The following ITPRID1 variants were observed in gnomAD, a reference collection of about 807,000 sequenced individuals.
ITPRID1 encodes the protein protein ITPRID1.
ITPRID1 carries 96 observed loss-of-function variants against 95.4 expected under a neutral mutation model. The observed-to-expected ratio is 1.01, with a 90% CI of 0.85 to 1.19. The LOEUF is 1.19. Among genes scored for constraint, ITPRID1 ranks in the 50% most tolerant of loss-of-function variants. ITPRID1 has a pLI of 0.00. For missense variants in ITPRID1, 1,339 were observed against 1,252.9 expected, an observed-to-expected ratio of 1.07 and a Z score of -1.04; for synonymous variants, 510 against 453.6, an observed-to-expected ratio of 1.12 and a Z score of -1.58.
chr7:31,641,625 C>T lies in ITPRID1; in HGVS notation c.1229-551C>T, dbSNP rs115985529. Among the ~76,000 whole-genome samples the T allele has an allele frequency of 4.8e-3, 726 of 152,238 alleles. 7 individuals carry two copies. The highest frequency in any genetic ancestry group is 0.017 in the African/African-American group (705 of 41,522). ...CTCCTGTTTACAAAGTCATAACCTG[C>T]CCACACGTGACTTTGCCCTTTCTCT... On this transcript the variant is annotated intron_variant, in intron 10 of 14. Coordinates refer to ENST00000615280, the MANE Select transcript of ITPRID1 (RefSeq NM_001257967.3).
rs141438918 is a variant in ITPRID1, at chr7:31,572,148, A to C, written c.355A>C (p.Ser119Arg). The change falls in exon 7 of 15, where the codon AGT (serine) becomes CGT (arginine). Residue 119 changes from serine to arginine, a missense_variant. Ser to Arg is a moderately radical substitution (Grantham distance 110). Transcript: ENST00000615280. ...SETPILSRGT[S>R]FNSCYSTASV... is the part of the protein sequence containing the mutation. ...AACTCCCATCCTATCCAGAGGGACC[A>C]GTTTCAACTCTTGCTATTCTACTGC... 5.0e-5 allele frequency: 80 copies of C among 1,611,862 alleles called. No individual in the cohort carries two copies. Among genetic ancestry groups the C allele is most frequent in the Non-Finnish European group, 6.3e-5 (74 of 1,178,566 alleles).
chr7:31,519,053 T>C (rs1233786578), intron 1 of ITPRID1, among the ~76,000 whole-genome samples: 1 of 152,146 alleles, frequency 6.6e-6, no homozygotes, highest in Non-Finnish European at 1.5e-5. Flanking sequence ...AAATTTCTCA[T>C]TGTACATATG....
At chr7:31,597,092 A>G (rs1037969941) in intron 10 of ITPRID1, among the ~76,000 whole-genome samples, 2 of 152,052 alleles carry the variant, frequency 1.3e-5, no homozygotes, top group African/African-American at 4.8e-5. Context: ...ATTTAAAAAC[A>G]AAACAAAAGA....
At chr7:31,602,666 G>C (rs1026070651) in intron 10 of ITPRID1, among the ~76,000 whole-genome samples, 2 of 152,126 alleles carry the variant, frequency 1.3e-5, no homozygotes, top group African/African-American at 4.8e-5. Context: ...CCATCGGGGT[G>C]AGTGGAAGGG....
chr7:31,565,483 C>G (rs909965331), intron 5 of ITPRID1, among the ~76,000 whole-genome samples: 9 of 152,134 alleles, frequency 5.9e-5, no homozygotes, highest in African/African-American at 2.2e-4. Flanking sequence ...CACCTGTAAA[C>G]CCAGCACTTT....
intron 1 of ITPRID1, 78 bp from the exon 2 acceptor site, chr7:31,549,348 C>T (rs980625747): frequency 9.3e-7 from 1 of 1,072,186 alleles, no homozygotes; most frequent in Non-Finnish European, 1.2e-6. Context: ...CACAGGCTAC[C>T]CACAAACTAA....
chr7:31,522,606 G>GT (rs1783300927), intron 1 of ITPRID1, among the ~76,000 whole-genome samples: 2 of 152,286 alleles, frequency 1.3e-5, no homozygotes, highest in South Asian at 4.1e-4. Flanking sequence ...TTTTTACCCA[G>GT]TATCAGTCTG....
chr7:31,615,600 T>A (rs1562610396), intron 10 of ITPRID1, among the ~76,000 whole-genome samples: 1 of 152,154 alleles, frequency 6.6e-6, no homozygotes, highest in Non-Finnish European at 1.5e-5. Context: ...TTAAGTAATT[T>A]TTTAAAATGG....
intron 10 of ITPRID1, among the ~76,000 whole-genome samples, chr7:31,625,867 A>T (rs1417493475): frequency 2.0e-5 from 3 of 152,184 alleles, no homozygotes; most frequent in African/African-American, 7.2e-5. Flanking sequence ...AAATGCTTAA[A>T]ATAAAGTGAT....
chr7:31,588,225 G>A (rs1356012223), intron 10 of ITPRID1, among the ~76,000 whole-genome samples: 1 of 152,102 alleles, frequency 6.6e-6, no homozygotes, highest in Non-Finnish European at 1.5e-5. Flanking sequence ...AGAGTGGAGG[G>A]AGTTTCAACA....
Position 31,614,089 on chromosome 7 carries a change from G to A in ITPRID1, c.1229-28087G>A, listed in dbSNP as rs958063754. ...TTGAATGCAGGTCAGGTATATCAAAGTTTAAGAACTCCTTCCCTCTACCAC... is the reference window on the plus strand; with the variant it reads ...TTGAATGCAGGTCAGGTATATCAAAATTTAAGAACTCCTTCCCTCTACCAC... On this transcript the variant is annotated intron_variant, in intron 10 of 14. Coordinates refer to ENST00000615280, the MANE Select transcript of ITPRID1 (RefSeq NM_001257967.3). 5.9e-5 allele frequency among the ~76,000 whole-genome samples: 9 copies of A among 152,156 alleles called. No homozygotes were observed. In the East Asian group the frequency reaches 1.7e-3, roughly 29 times the overall value.
At chr7:31,657,092 TGATA>T (rs1791340028), downstream of ITPRID1, among the ~76,000 whole-genome samples, 1 of 5,072 alleles carries the variant, frequency 2.0e-4, no homozygotes, top group Non-Finnish European at 4.2e-4. Flanking sequence ...ATTTTATATA[TGATA>T]TATATAAAAT....
chr7:31,631,395 G>A (rs1279294874), intron 10 of ITPRID1, among the ~76,000 whole-genome samples: 1 of 152,182 alleles, frequency 6.6e-6, no homozygotes, highest in Admixed American at 6.5e-5. Flanking sequence ...ACAAAACACA[G>A]ACATATAAAT....
At chr7:31,528,284 A>G (rs529367659) in intron 1 of ITPRID1, among the ~76,000 whole-genome samples, 14 of 152,354 alleles carry the variant, frequency 9.2e-5, no homozygotes, top group African/African-American at 2.6e-4. Flanking sequence ...ATGAAATTCT[A>G]TGCCCAGTTT....
chr7:31,603,037 G>C (rs1037382267), intron 10 of ITPRID1, among the ~76,000 whole-genome samples: 4 of 152,014 alleles, frequency 2.6e-5, no homozygotes, highest in South Asian at 2.1e-4. Flanking sequence ...CCATGTCTTG[G>C]GGGTAGCCAC....
intron 10 of ITPRID1, among the ~76,000 whole-genome samples, chr7:31,598,798 C>A (rs117204652): frequency 2.6e-5 from 4 of 151,910 alleles, no homozygotes; most frequent in African/African-American, 9.7e-5. Flanking sequence ...GAAAAACTGA[C>A]GAATAAACAA....
At chr7:31,516,062 T>A (rs1213213805) in intron 1 of ITPRID1, among the ~76,000 whole-genome samples, 2 of 152,140 alleles carry the variant, frequency 1.3e-5, no homozygotes, top group African/African-American at 4.8e-5. Context: ...ATTAACCACA[T>A]TAATGGTTAA....
At chr7:31,575,463 A>C (rs568431551) in intron 8 of ITPRID1, among the ~76,000 whole-genome samples, 3 of 152,180 alleles carry the variant, frequency 2.0e-5, no homozygotes, top group Non-Finnish European at 4.4e-5. Context: ...ATTACTAAGC[A>C]TGTTCTTGAG....
downstream of ITPRID1, chr7:31,658,452 T>G: frequency 2.2e-6 from 3 of 1,380,474 alleles, no homozygotes; most frequent in Non-Finnish European, 2.8e-6. Context: ...TCGAACAAAA[T>G]AGAACATTTG....
Sources: allele counts gnomAD v4.1 joint callset (sites outside exome capture counted in the v4.1 genomes callset), GRCh38; gene constraint gnomAD v4.1.1; transcripts MANE v1.5; gene names NCBI Gene and HGNC (gene_info 2026-07-23, HGNC 2026-07-21).